The following SLC25A38 variants were observed in gnomAD, a reference collection of about 807,000 sequenced individuals.
The protein encoded by SLC25A38 is mitochondrial glycine transporter.
SLC25A38 carries 27 observed loss-of-function variants against 33.4 expected under a neutral mutation model. That is an observed-to-expected ratio of 0.81 (90% CI 0.60 to 1.11). SLC25A38 has a LOEUF of 1.11. SLC25A38 is among the 50% of genes most tolerant of loss of function. SLC25A38 has a pLI of 0.00. For synonymous variants in SLC25A38, 123 were observed against 145.9 expected (o/e 0.84, Z 1.13); for missense variants, 344 against 388.8 (o/e 0.88, Z 0.97).
In SLC25A38 at chr3:39,396,961, G is replaced by A; in HGVS notation, c.*441G>A. Reference sequence around the variant, plus strand: ...GGGAAGACTGGATGTGAGGAGAGGAGTCACTGTCACCAGGTCACAGACTGA... The same window carrying A: ...GGGAAGACTGGATGTGAGGAGAGGAATCACTGTCACCAGGTCACAGACTGA... On this transcript the variant is annotated 3_prime_UTR_variant, in exon 7 of 7. Transcript: ENST00000650617. 1 of 284,236 alleles carries A rather than the reference G, an allele frequency of 3.5e-6. No individual in the cohort carries two copies. Among genetic ancestry groups the A allele is most frequent in the Non-Finnish European group, 6.9e-6 (1 of 144,258 alleles). 17.6% of individuals were successfully genotyped at this position (284,236 alleles called of 1,614,324 possible). A position where few individuals can be genotyped will look rare whatever the true frequency, so the allele number is the denominator to read the frequency against.
At chr3:39,388,108 G>C (rs1211139043) in intron 1 of SLC25A38, among the ~76,000 whole-genome samples, 1 of 152,168 alleles carries the variant, frequency 6.6e-6, no homozygotes, top group African/African-American at 2.4e-5. Flanking sequence ...TGTGAAGAAG[G>C]GGGGCTCATT....
intron 1 of SLC25A38, among the ~76,000 whole-genome samples, chr3:39,387,551 G>A (rs760975857): frequency 1.2e-4 from 18 of 152,310 alleles, no homozygotes; most frequent in Admixed American, 3.9e-4. Context: ...GTATCCCAGT[G>A]TGGATTGGAG....
chr3:39,384,045 C>T (rs902847865), intron 1 of SLC25A38, among the ~76,000 whole-genome samples: 1 of 152,164 alleles, frequency 6.6e-6, no homozygotes, highest in Non-Finnish European at 1.5e-5. Context: ...GCGGAATTGC[C>T]GGGGCCTGGA....
chr3:39,383,569 C>A lies in SLC25A38; in HGVS notation c.-156C>A. On this transcript the variant is annotated 5_prime_UTR_variant, in exon 1 of 7. In the 5' UTR this introduces an upstream ATG that the reference lacks. Transcript: ENST00000650617. The stretch of plus-strand genomic sequence containing the variant: ...ACTAGCAGGATCCGAACCCCGGCGG[C>A]TGCGTGCTTATAGGCGCAGACGTCA... The A allele has an allele frequency of 1.3e-6, 1 of 756,688 alleles. No homozygotes were observed. The highest frequency in any genetic ancestry group is 2.2e-6 in the Non-Finnish European group (1 of 449,258). 46.9% of individuals were successfully genotyped at this position (756,688 alleles called of 1,614,324 possible).
At chr3:39,394,697 A>T (rs1238157520) in intron 6 of SLC25A38, 121 bp downstream of exon 6, 1 of 1,213,920 alleles carries the variant, frequency 8.2e-7, no homozygotes, top group Non-Finnish European at 1.2e-6. Flanking sequence ...CCCCATGCCC[A>T]GGTTAAAATC....
intron 1 of SLC25A38, among the ~76,000 whole-genome samples, chr3:39,385,559 G>A (rs1048286711): frequency 6.6e-6 from 1 of 152,154 alleles, no homozygotes; most frequent in Non-Finnish European, 1.5e-5. Flanking sequence ...GAGAGAGGTG[G>A]GGGAGATTAA....
At chr3:39,394,956 C>T (rs2041811283) in intron 6 of SLC25A38, among the ~76,000 whole-genome samples, 1 of 138,880 alleles carries the variant, frequency 7.2e-6, no homozygotes, top group Non-Finnish European at 1.6e-5. Flanking sequence ...ACTATTTAGT[C>T]AGAGGGAAAA....
At position 39,391,430 on chromosome 3, in the gene SLC25A38, C is replaced by T. The variant is rs2041764913; in HGVS notation, c.277-11C>T. On this transcript the variant is annotated splice_polypyrimidine_tract_variant and intron_variant, in intron 3 of 6. Coordinates refer to ENST00000650617, the MANE Select transcript of SLC25A38 (RefSeq NM_017875.4). ...TCTTTGATTTTCTTTTCTCCCTGAC[C>T]TTCTCTGCAGTCCATTGTGAGATGT... 2 of 1,612,862 alleles carry T rather than the reference C, an allele frequency of 1.2e-6. No individual in the cohort carries two copies. Among genetic ancestry groups the T allele is most frequent in the African/African-American group, 2.7e-5 (2 of 74,890 alleles).
chr3:39,391,332 C>A, intron 3 of SLC25A38, 109 bp from the exon 4 acceptor site: 1 of 1,489,196 alleles, frequency 6.7e-7, no homozygotes, highest in Non-Finnish European at 9.3e-7. Flanking sequence ...ACACCTTAAA[C>A]AAAGCACTTG....
chr3:39,392,687 A>G (rs1195758097), intron 5 of SLC25A38, among the ~76,000 whole-genome samples: 1 of 152,042 alleles, frequency 6.6e-6, no homozygotes, highest in African/African-American at 2.4e-5. Flanking sequence ...CATAGAATGA[A>G]CCTGCATGTA....
In SLC25A38 at chr3:39,394,424, A is replaced by G. The variant is rs1356296076; in HGVS notation, c.640A>G (p.Thr214Ala). The change falls in exon 6 of 7, where the codon ACC (threonine) becomes GCC (alanine). Residue 214 changes from threonine (T) to alanine (A), a missense_variant. Physicochemically the swap from Thr to Ala is moderately conservative, Grantham distance 58. Transcript: ENST00000650617. Reference sequence around the variant, plus strand: ...TTCTATTTCAGACCAGGTGGATGCAACCCTTATTCCTATTACAAATTTCAG... The same window carrying G: ...TTCTATTTCAGACCAGGTGGATGCAGCCCTTATTCCTATTACAAATTTCAG... Reference protein sequence around the residue: ...NIVPHDQVDATLIPITNFSCG... With the variant: ...NIVPHDQVDAALIPITNFSCG... 1 of 1,612,912 alleles carries G rather than the reference A, an allele frequency of 6.2e-7. No individual in the cohort carries two copies. The highest frequency in any genetic ancestry group is 8.5e-7 in the Non-Finnish European group (1 of 1,179,998).
At chr3:39,396,050 AAAT>A (rs2041825543) in intron 6 of SLC25A38, among the ~76,000 whole-genome samples, 1 of 152,054 alleles carries the variant, frequency 6.6e-6, no homozygotes. Context: ...TCTCAACTAA[AAAT>A]ACGAAAATTA....
chr3:39,387,372 G>T (rs2041718071), intron 1 of SLC25A38, among the ~76,000 whole-genome samples: 1 of 152,220 alleles, frequency 6.6e-6, no homozygotes, highest in South Asian at 2.1e-4. Context: ...GAGCAGAGTG[G>T]AGGGTGGGTT....
intron 5 of SLC25A38, among the ~76,000 whole-genome samples, chr3:39,393,991 C>A (rs950234945): frequency 1.3e-5 from 2 of 152,176 alleles, no homozygotes; most frequent in Non-Finnish European, 2.9e-5. Context: ...TCGGGAGGGT[C>A]ATGACATCAA....
rs773945731 is a variant in SLC25A38, at chr3:39,389,432, G to A, written c.70-63G>A. 5 of 1,613,626 alleles carry A rather than the reference G, an allele frequency of 3.1e-6. No individual in the cohort carries two copies. Among genetic ancestry groups the A allele is most frequent in the Non-Finnish European group, 2.5e-6 (3 of 1,179,794 alleles). ...CATTATAAAGGAATTTGCTGGTCAG[G>A]TATAGAGAAAGGTGAGGCTCACACA... On this transcript the variant is annotated intron_variant, in intron 1 of 6. Transcript: ENST00000650617. The surrounding 1 kb of genome is among the most constrained non-coding windows in gnomAD (Gnocchi z 4.5).
Position 39,389,801 on chromosome 3 carries a change from G to A in SLC25A38, c.191+185G>A, listed in dbSNP as rs1340934268. On this transcript the variant is annotated intron_variant, in intron 2 of 6. Transcript: ENST00000650617. The surrounding 1 kb of genome is among the most constrained non-coding windows in gnomAD (Gnocchi z 4.5). ...ATTTCTTTTTAATTAAATGGGGTCC[G>A]TTCCTGAGCAGCTTCCTGGAATCGG... Among the ~76,000 whole-genome samples, 7 of 152,146 alleles carry A rather than the reference G, an allele frequency of 4.6e-5. No homozygotes were observed. The highest frequency in any genetic ancestry group is 2.1e-4 in the South Asian group (1 of 4,832).
chr3:39,384,508 T>G, intron 1 of SLC25A38: 1 of 388,892 alleles, frequency 2.6e-6, no homozygotes, highest in Non-Finnish European at 4.5e-6. Flanking sequence ...GGGGCGGCTT[T>G]TATTTTTTTT....
chr3:39,396,080 G>A (rs1448647592), intron 6 of SLC25A38, among the ~76,000 whole-genome samples: 2 of 151,890 alleles, frequency 1.3e-5, no homozygotes, highest in African/African-American at 4.8e-5. Context: ...CGTGGTGGTG[G>A]GCGCCTGTAG....
At chr3:39,394,276 T>G in intron 5 of SLC25A38, 134 bp from the exon 6 acceptor site, 4 of 1,133,626 alleles carry the variant, frequency 3.5e-6, no homozygotes. Flanking sequence ...GTTGCACCTT[T>G]AAGTTTTGAA....
Sources: allele counts gnomAD v4.1 joint callset (sites outside exome capture counted in the v4.1 genomes callset), GRCh38; gene constraint gnomAD v4.1.1; non-coding constraint Gnocchi (gnomAD v3.1); transcripts MANE v1.5; gene names NCBI Gene and HGNC (gene_info 2026-07-23, HGNC 2026-07-21).